Variants in ERBB4 observed in about 807,000 individuals in gnomAD.
The protein encoded by ERBB4 is receptor tyrosine-protein kinase erbB-4.
Under a neutral mutation model 158.0 loss-of-function variants are expected in ERBB4, and 42 were observed. The ratio of observed to expected loss-of-function variants is 0.27; its 90% CI spans 0.21 to 0.34. The LOEUF is 0.34. Ranked by LOEUF, ERBB4 falls within the 10% of genes least tolerant of loss-of-function variation. ERBB4 has a pLI of 1.00. For synonymous variants in ERBB4, 583 were observed against 558.7 expected, an observed-to-expected ratio of 1.04 and a Z score of -0.61; for missense variants, 1,333 against 1,624.1, an observed-to-expected ratio of 0.82 and a Z score of 3.08.
chr2:212,037,491 A>G (rs2077042378), intron 2 of ERBB4, among the ~76,000 whole-genome samples: 1 of 152,206 alleles, frequency 6.6e-6, no homozygotes, highest in South Asian at 2.1e-4. Flanking sequence ...AATGCTTTAT[A>G]AGTGTATCCC....
intron 1 of ERBB4, among the ~76,000 whole-genome samples, chr2:212,249,602 C>T (rs777941357): frequency 4.4e-4 from 67 of 151,746 alleles, no homozygotes; most frequent in Non-Finnish European, 7.7e-4. Flanking sequence ...AGAATTAAAA[C>T]AAGGATGTTT....
intron 20 of ERBB4, among the ~76,000 whole-genome samples, chr2:211,448,097 C>T (rs1440955346): frequency 6.6e-6 from 1 of 151,968 alleles, no homozygotes; most frequent in Non-Finnish European, 1.5e-5. Context: ...TTCAGCCTCC[C>T]CAGTAGCTGC....
chr2:212,476,081 A>C (rs1209518071), intron 1 of ERBB4, among the ~76,000 whole-genome samples: 1 of 151,740 alleles, frequency 6.6e-6, no homozygotes, highest in Non-Finnish European at 1.5e-5. Flanking sequence ...TGGAAAAGTT[A>C]CTTAGCCCCA....
chr2:212,402,900 C>A (rs1189700874), intron 1 of ERBB4, among the ~76,000 whole-genome samples: 1 of 151,944 alleles, frequency 6.6e-6, no homozygotes, highest in Non-Finnish European at 1.5e-5. Flanking sequence ...TTGTTTCATT[C>A]AACTTTTACG....
chr2:211,396,672 G>A (rs908260893), intron 25 of ERBB4, among the ~76,000 whole-genome samples: 4 of 152,226 alleles, frequency 2.6e-5, no homozygotes, highest in African/African-American at 7.2e-5. Context: ...ATTTTGGCAC[G>A]TAGATTTTAT....
In ERBB4 at chr2:212,229,918, G is replaced by C. The variant is rs529275043; in HGVS notation, c.83-105015C>G. 2.0e-5 allele frequency among the ~76,000 whole-genome samples: 3 copies of C among 152,242 alleles called. No individual in the cohort carries two copies. In the South Asian group the frequency reaches 6.2e-4, roughly 32 times the overall value. On this transcript the variant is annotated intron_variant, in intron 1 of 27. Transcript: ENST00000342788. ...GTAGAGAAAGAAGGAAGTTATAAGA[G>C]GAAGATTATGACTGTTGGCCAATAC...
intron 3 of ERBB4, among the ~76,000 whole-genome samples, chr2:211,932,726 T>C (rs1362296118): frequency 6.6e-6 from 1 of 151,880 alleles, no homozygotes; most frequent in Non-Finnish European, 1.5e-5. Flanking sequence ...CAAAGGAAAA[T>C]GTTTCAAAGA....
chr2:212,481,019 T>C (rs1010059513), intron 1 of ERBB4, among the ~76,000 whole-genome samples: 2 of 152,136 alleles, frequency 1.3e-5, no homozygotes, highest in African/African-American at 4.8e-5. Flanking sequence ...ACTTTAAACA[T>C]CTATTCTAAA....
intron 2 of ERBB4, among the ~76,000 whole-genome samples, chr2:212,099,144 A>AAAATAAATAAAT (rs59327182): frequency 1.1e-3 from 160 of 143,016 alleles, no homozygotes; most frequent in Admixed American, 2.7e-3. Context: ...GCCCCTCTCT[A>AAAATAAATAAAT]AAATAAATAA....
At chr2:211,398,614 G>A (rs547899817) in intron 25 of ERBB4, among the ~76,000 whole-genome samples, 43 of 152,082 alleles carry the variant, frequency 2.8e-4, no homozygotes, top group Non-Finnish European at 4.6e-4. Context: ...AGGCCGAGGC[G>A]GGCAGATCAC....
At chr2:211,403,358 A>G (rs2063083727) in intron 25 of ERBB4, among the ~76,000 whole-genome samples, 1 of 152,120 alleles carries the variant, frequency 6.6e-6, no homozygotes, top group East Asian at 1.9e-4. Flanking sequence ...AAATTCATTC[A>G]AGCCCTTCTT....
At chr2:211,882,304 G>C (rs1416632492) in intron 3 of ERBB4, among the ~76,000 whole-genome samples, 3 of 152,170 alleles carry the variant, frequency 2.0e-5, no homozygotes, top group African/African-American at 4.8e-5. Context: ...TTTAGGGCTG[G>C]ACTAAATGGC....
intron 19 of ERBB4, among the ~76,000 whole-genome samples, chr2:211,568,614 T>C (rs1344451831): frequency 1.3e-5 from 2 of 152,254 alleles, no homozygotes; most frequent in East Asian, 3.9e-4. Flanking sequence ...CTATGGACCA[T>C]TAATGCAATA....
At chr2:212,210,715 A>G (rs957751917) in intron 1 of ERBB4, among the ~76,000 whole-genome samples, 1 of 152,084 alleles carries the variant, frequency 6.6e-6, no homozygotes, top group Non-Finnish European at 1.5e-5. Context: ...TATTTTGATT[A>G]AAAGTTTTCC....
At chr2:211,751,695 C>T (rs2075134887) in intron 4 of ERBB4, among the ~76,000 whole-genome samples, 1 of 152,130 alleles carries the variant, frequency 6.6e-6, no homozygotes, top group South Asian at 2.1e-4. Flanking sequence ...GTCAGATGCT[C>T]CCATCTTTCC....
intron 1 of ERBB4, among the ~76,000 whole-genome samples, chr2:212,128,983 T>C (rs898382945): frequency 2.4e-4 from 36 of 152,098 alleles, no homozygotes; most frequent in African/African-American, 7.2e-4. Context: ...TTATATAAAA[T>C]CTTTATAAAC....
chr2:212,064,862 A>C (rs946470278), intron 2 of ERBB4, among the ~76,000 whole-genome samples: 1 of 152,122 alleles, frequency 6.6e-6, no homozygotes, highest in Non-Finnish European at 1.5e-5. Flanking sequence ...ACATCGTGTC[A>C]GTATTAAAAT....
chr2:212,093,002 A>G (rs2078825498), intron 2 of ERBB4, among the ~76,000 whole-genome samples: 1 of 152,184 alleles, frequency 6.6e-6, no homozygotes, highest in African/African-American at 2.4e-5. Context: ...AATTATTGAT[A>G]CGAATTCTAG....
chr2:211,793,357 G>C (rs1302053921), intron 3 of ERBB4, among the ~76,000 whole-genome samples: 1 of 151,796 alleles, frequency 6.6e-6, no homozygotes, highest in African/African-American at 2.4e-5. Flanking sequence ...TTGCAGGGGT[G>C]CATCTACAGG....
Sources: gnomAD v4.1 joint callset for allele counts (sites outside exome capture counted in the v4.1 genomes callset) on GRCh38, gnomAD v4.1.1 for gene constraint, MANE v1.5 for transcripts, NCBI Gene and HGNC (gene_info 2026-07-23, HGNC 2026-07-21) for gene names.